The following SAA2 variants were observed in gnomAD, a reference collection of about 807,000 sequenced individuals.
SAA2 encodes the protein serum amyloid A-2 protein.
Under a neutral mutation model 9.1 loss-of-function variants are expected in SAA2, and 5 were observed. That is an observed-to-expected ratio of 0.55 (90% confidence interval 0.29 to 1.16). SAA2 has a LOEUF of 1.16. Ranked by LOEUF, SAA2 falls within the 50% of genes most tolerant of loss-of-function variation. SAA2 has a pLI of 0.09. For synonymous variants in SAA2, 49 were observed against 59.8 expected, an observed-to-expected ratio of 0.82 and a Z score of 0.83; for missense variants, 94 against 153.8, an observed-to-expected ratio of 0.61 and a Z score of 2.06.
exon 4 of SAA2, chr11:18,239,923 G>GA (rs1358397514): frequency 1.9e-6 from 3 of 1,548,262 alleles, no homozygotes; most frequent in African/African-American, 2.8e-5. Context: ...TAGGAGTGAA[G>GA]AAAAAAGGCT....
At chr11:18,239,635 A>C (rs1002418144) in exon 4 of SAA2, 14 of 418,612 alleles carry the variant, frequency 3.3e-5, no homozygotes, top group Non-Finnish European at 5.4e-5. Context: ...CTACTAATCA[A>C]TATCTCCATC....
chr11:18,242,525 G>T, downstream of SAA2: 1 of 471,192 alleles, frequency 2.1e-6, no homozygotes. Context: ...ATGTGAATCT[G>T]GGCAGCCTCA....
downstream of SAA2, among the ~76,000 whole-genome samples, chr11:18,244,911 G>A (rs1857457281): frequency 6.6e-6 from 1 of 152,178 alleles, no homozygotes; most frequent in African/African-American, 2.4e-5. Flanking sequence ...TCAATTGTCT[G>A]TAGCCCCTGC....
In SAA2 at chr11:18,245,360, C is replaced by A. The variant is rs1305970039; in HGVS notation, c.*17G>T. The A allele has an allele frequency of 6.2e-6, 10 of 1,613,812 alleles. No individual in the cohort carries two copies. Among genetic ancestry groups the A allele is most frequent in the African/African-American group, 1.3e-5 (1 of 74,938 alleles). ...GCCTCATAGCCAGGTCTCCTGAGAG[C>A]AGAGTGAAGAGGAAGCTCAGTATTT... is the stretch of plus-strand genomic sequence containing the variant. On this transcript the variant is annotated 3_prime_UTR_variant, in exon 4 of 4. Transcript: ENST00000256733.
At chr11:18,248,192 C>T (rs1311098200) in intron 1 of SAA2, among the ~76,000 whole-genome samples, 177 bp from the exon 2 acceptor site, 1 of 127,936 alleles carries the variant, frequency 7.8e-6, no homozygotes, top group Admixed American at 7.8e-5. Context: ...GGTTCTGAAC[C>T]CATCAGCCCT....
chr11:18,242,747 G>A (rs1038089646), downstream of SAA2: 11 of 699,666 alleles, frequency 1.6e-5, no homozygotes, highest in Non-Finnish European at 2.6e-5. Flanking sequence ...TCAAGAGGCT[G>A]AAGTGGGAGG....
chr11:18,248,523 T>G (rs1857679572), intron 1 of SAA2, 80 bp downstream of exon 1: 1 of 155,144 alleles, frequency 6.4e-6, no homozygotes, highest in African/African-American at 2.4e-5. Flanking sequence ...ATAACTATTT[T>G]TTTTAAAGGA....
At chr11:18,241,356 C>A (rs1468897095), downstream of SAA2, among the ~76,000 whole-genome samples, 1 of 152,170 alleles carries the variant, frequency 6.6e-6, no homozygotes, top group East Asian at 1.9e-4. Context: ...AATAGAGCTA[C>A]CATTTGACCC....
chr11:18,245,298 A>G lies in SAA2; in HGVS notation c.*79T>C. ...ATATGCCATATCTCAGCTTCTCTGGACATAGACCTCACTAACTTTGTATCC... is the reference window on the plus strand; with the variant it reads ...ATATGCCATATCTCAGCTTCTCTGGGCATAGACCTCACTAACTTTGTATCC... On this transcript the variant is annotated 3_prime_UTR_variant, in exon 4 of 4. Coordinates refer to ENST00000256733, the MANE Select transcript of SAA2 (RefSeq NM_030754.5). 1 of 1,593,830 alleles carries G rather than the reference A, an allele frequency of 6.3e-7. No individual in the cohort carries two copies. The highest frequency in any genetic ancestry group is 8.6e-7 in the Non-Finnish European group (1 of 1,168,728).
downstream of SAA2, among the ~76,000 whole-genome samples, chr11:18,243,620 C>G (rs768674455): frequency 2.6e-5 from 4 of 152,164 alleles, no homozygotes; most frequent in Non-Finnish European, 4.4e-5. Flanking sequence ...CCTCCTATAC[C>G]TCCTATACCT....
At chr11:18,246,513 C>T (rs1229897011) in intron 2 of SAA2, among the ~76,000 whole-genome samples, 1 of 152,204 alleles carries the variant, frequency 6.6e-6, no homozygotes, top group Non-Finnish European at 1.5e-5. Flanking sequence ...CAGCGGTTCT[C>T]CGCCGTGGTT....
At chr11:18,240,177 A>G in intron 3 of SAA2, 5 of 727,814 alleles carry the variant, frequency 6.9e-6, no homozygotes, top group Non-Finnish European at 1.2e-5. Flanking sequence ...GACCTGGGGA[A>G]TAGAAATTAA....
At chr11:18,247,086 C>A (rs1255665648) in intron 2 of SAA2, among the ~76,000 whole-genome samples, 11 of 152,278 alleles carry the variant, frequency 7.2e-5, no homozygotes, top group Non-Finnish European at 2.9e-5. Flanking sequence ...TGGGCATTGG[C>A]CTCAGCTGCT....
downstream of SAA2, chr11:18,245,100 A>C (rs1590012475): frequency 1.8e-6 from 1 of 547,810 alleles, no homozygotes; most frequent in East Asian, 3.5e-5. Flanking sequence ...AGGTGTCTGC[A>C]CTGTGACTAC....
chr11:18,247,475 T>C (rs1440771277), intron 2 of SAA2, among the ~76,000 whole-genome samples: 9 of 131,398 alleles, frequency 6.8e-5, no homozygotes, highest in Admixed American at 7.5e-5. Flanking sequence ...AGGATGATTG[T>C]TCTTTCTCTG....
At chr11:18,243,977 C>T (rs1223584327), downstream of SAA2, among the ~76,000 whole-genome samples, 1 of 152,164 alleles carries the variant, frequency 6.6e-6, no homozygotes. Flanking sequence ...GAGATGAAGA[C>T]ATCTTTTCCT....
downstream of SAA2, chr11:18,245,129 T>A: frequency 2.6e-6 from 2 of 754,826 alleles, no homozygotes; most frequent in Non-Finnish European, 4.0e-6. Flanking sequence ...TCTCCTCACA[T>A]CCAAACACAT....
At chr11:18,245,164 T>G (rs1027260202), downstream of SAA2, 3 of 1,085,948 alleles carry the variant, frequency 2.8e-6, no homozygotes, top group Non-Finnish European at 3.8e-6. Flanking sequence ...TCACCCTTCA[T>G]GTGGGTGTGC....
chr11:18,242,838 TG>T (rs1291662830), downstream of SAA2: 1 of 701,378 alleles, frequency 1.4e-6, no homozygotes, highest in Non-Finnish European at 2.6e-6. Context: ...AAGAGGGAGA[TG>T]CTGTCTCAAA....
Sources: gnomAD v4.1 joint callset for allele counts (sites outside exome capture counted in the v4.1 genomes callset) on GRCh38, gnomAD v4.1.1 for gene constraint, MANE v1.5 for transcripts, NCBI Gene and HGNC (gene_info 2026-07-23, HGNC 2026-07-21) for gene names.